The following NLRP9 variants were observed in gnomAD, a reference collection of about 807,000 sequenced individuals.
NLRP9 encodes the protein NLR family pyrin domain containing 9.
A neutral mutation model predicts 83.1 loss-of-function variants in NLRP9; 88 were observed. The ratio of observed to expected loss-of-function variants is 1.06; its 90% CI spans 0.89 to 1.26. The LOEUF is 1.26. Ranked by LOEUF, NLRP9 falls within the 50% of genes most tolerant of loss-of-function variation. NLRP9 has a pLI of 0.00. For missense variants in NLRP9, 1,308 were observed against 1,179.3 expected, an observed-to-expected ratio of 1.11 and a Z score of -1.60; for synonymous variants, 521 against 447.6, an observed-to-expected ratio of 1.16 and a Z score of -2.07.
rs112171493 is a variant in NLRP9 at position 55,709,026 on chromosome 19, A to G, written c.2862T>C (p.Phe954=). The change falls in exon 9 of 9, where the codon TTT becomes TTC. Residue 954 remains phenylalanine, a synonymous_variant. Coordinates refer to ENST00000332836, the MANE Select transcript of NLRP9 (RefSeq NM_176820.4). ...LQMLGLHKSG[F]DEETQKILMS... ...TCAGGATCTTCTGAGTTTCTTCATC[A>G]AAGCCAGATTTGTGCAGCCTGGGAA... The G allele has an allele frequency of 6.3e-7, 1 of 1,578,012 alleles. No individual in the cohort carries two copies. Among genetic ancestry groups the G allele is most frequent in the Non-Finnish European group, 8.6e-7 (1 of 1,168,688 alleles).
At chr19:55,728,583 C>T (rs1391499928) in intron 3 of NLRP9, among the ~76,000 whole-genome samples, 1 of 152,064 alleles carries the variant, frequency 6.6e-6, no homozygotes, top group African/African-American at 2.4e-5. Context: ...AAAGCAACAA[C>T]AACAACAAAA....
chr19:55,722,684 A>G (rs1988266045), intron 4 of NLRP9, among the ~76,000 whole-genome samples: 1 of 152,200 alleles, frequency 6.6e-6, no homozygotes, highest in South Asian at 2.1e-4. Context: ...TCTACTATAA[A>G]GATACATGCA....
At position 55,718,431 on chromosome 19, in the gene NLRP9, C is replaced by T. The variant is rs141326563; in HGVS notation, c.2160-1533G>A. ...ATGGAATGTCTAGGTGTAAAGCTGA[C>T]CATTCCCATTCATTCCATTCTGAGA... On this transcript the variant is annotated intron_variant, in intron 4 of 8. Coordinates refer to ENST00000332836, the MANE Select transcript of NLRP9 (RefSeq NM_176820.4). 2.5e-3 allele frequency among the ~76,000 whole-genome samples: 379 copies of T among 152,322 alleles called. 2 individuals carry two copies. The highest frequency in any genetic ancestry group is 4.2e-3 in the Non-Finnish European group (287 of 68,026).
At chr19:55,714,586 A>G (rs1987934323) in intron 6 of NLRP9, among the ~76,000 whole-genome samples, 1 of 147,962 alleles carries the variant, frequency 6.8e-6, no homozygotes, top group African/African-American at 2.5e-5. Flanking sequence ...CCTCATCTGG[A>G]TTTTTTTTTT....
intron 1 of NLRP9, among the ~76,000 whole-genome samples, chr19:55,734,634 TATA>T (rs1387105511): frequency 1.2e-3 from 113 of 94,268 alleles, no homozygotes; most frequent in African/African-American, 2.9e-3. Context: ...TATATATATA[TATA>T]TTTTTTTTTT....
chr19:55,714,999 C>T, intron 6 of NLRP9, 56 bp downstream of exon 6: 14 of 1,493,306 alleles, frequency 9.4e-6, no homozygotes, highest in Non-Finnish European at 1.2e-5. Flanking sequence ...TTTCCTAGAG[C>T]CACAGTATCC....
chr19:55,711,558 T>C, intron 8 of NLRP9: 1 of 1,099,786 alleles, frequency 9.1e-7, no homozygotes, highest in Non-Finnish European at 1.3e-6. Context: ...CTGGAGCTCT[T>C]TTTGATTGTC....
intron 3 of NLRP9, 137 bp from the exon 4 acceptor site, chr19:55,724,281 T>G (rs1029397575): frequency 3.3e-6 from 2 of 604,394 alleles, no homozygotes; most frequent in Non-Finnish European, 5.7e-6. Flanking sequence ...CTCCTGCCAG[T>G]AAATTATTTC....
At chr19:55,716,297 C>A (rs1381310166) in intron 5 of NLRP9, among the ~76,000 whole-genome samples, 1 of 129,366 alleles carries the variant, frequency 7.7e-6, no homozygotes, top group Non-Finnish European at 1.6e-5. Context: ...CTTGCTCTGT[C>A]TCCCAGGCTG....
Position 55,712,548 on chromosome 19 carries a change from A to G in NLRP9, c.2544T>C (p.Ile848=). The G allele has an allele frequency of 6.2e-7, 1 of 1,612,588 alleles. No homozygotes were observed. The highest frequency in any genetic ancestry group is 2.2e-5 in the East Asian group (1 of 44,758). Residue 848 remains isoleucine (I), a synonymous_variant, in exon 7 of 9, where the codon ATT becomes ATC. Transcript: ENST00000332836. ...TCCCATTGCAAATAAGAACAGCAGC[A>G]ATGTCCTTACAGGAATCGGAAGTAA... ...CFLTSDSCKD[I]AAVLICNGKL...
intron 4 of NLRP9, among the ~76,000 whole-genome samples, chr19:55,717,925 G>A (rs1988082896): frequency 6.6e-6 from 1 of 152,170 alleles, no homozygotes; most frequent in Non-Finnish European, 1.5e-5. Flanking sequence ...AAAAGAATGA[G>A]AGATCAGATT....
At chr19:55,718,116 T>C (rs1233661686) in intron 4 of NLRP9, among the ~76,000 whole-genome samples, 1 of 152,234 alleles carries the variant, frequency 6.6e-6, no homozygotes, top group Non-Finnish European at 1.5e-5. Context: ...ACCATATGTT[T>C]GCAGGCAGTA....
chr19:55,712,618 G>T, intron 6 of NLRP9, 28 bp from the exon 7 acceptor site: 3 of 1,599,466 alleles, frequency 1.9e-6, no homozygotes, highest in Non-Finnish European at 2.6e-6. Flanking sequence ...ACACAAATAC[G>T]TACACTTATG....
At chr19:55,724,235 C>T in intron 3 of NLRP9, 91 bp from the exon 4 acceptor site, 2 of 823,830 alleles carry the variant, frequency 2.4e-6, no homozygotes, top group Non-Finnish European at 3.7e-6. Flanking sequence ...GCCCTGAATG[C>T]TGGGCCTCAC....
chr19:55,733,183 A>G lies in NLRP9; in HGVS notation c.648T>C (p.Ile216=), dbSNP rs1308138482. 1 of 1,613,858 alleles carries G rather than the reference A, an allele frequency of 6.2e-7. No homozygotes were observed. Among genetic ancestry groups the G allele is most frequent in the African/African-American group, 1.3e-5 (1 of 74,904 alleles). The change falls in exon 2 of 9, where the codon ATT becomes ATC. Residue 216 remains isoleucine (I), a synonymous_variant. Coordinates refer to ENST00000332836, the MANE Select transcript of NLRP9 (RefSeq NM_176820.4). ...ACAGAATTCTCTCTGGCTGGGAAAA[A>G]ATGTCTTCGATCTTCTCTGAAGACT... ...WPESSEKIED[I]FSQPERILFI... is the part of the protein sequence containing the mutation.
rs1382794406 is a variant in NLRP9 at position 55,732,402 on chromosome 19, C to A, written c.1429G>T (p.Val477Leu). 6.2e-7 allele frequency: 1 copy of A among 1,614,258 alleles called. No homozygotes were observed. The highest frequency in any genetic ancestry group is 8.5e-7 in the Non-Finnish European group (1 of 1,180,052). Residue 477 changes from valine to leucine, a missense_variant, in exon 2 of 9, where the codon GTA (valine) becomes TTA (leucine). Val to Leu is a conservative substitution (Grantham distance 32, BLOSUM62 1). Coordinates refer to ENST00000332836, the MANE Select transcript of NLRP9 (RefSeq NM_176820.4). ...TGAGGCTGAACCACACTTGCTCTTACAAGCTGGGTTATGCTTCCAATGGCC... is the reference window on the plus strand; with the variant it reads ...TGAGGCTGAACCACACTTGCTCTTAAAAGCTGGGTTATGCTTCCAATGGCC... Reference protein sequence around the residue: ...NPAIGSITQLVRASVVQPQTL... With the variant: ...NPAIGSITQLLRASVVQPQTL...
intron 7 of NLRP9, 101 bp from the exon 8 acceptor site, chr19:55,712,071 C>T: frequency 1.7e-6 from 2 of 1,204,790 alleles, no homozygotes; most frequent in South Asian, 1.4e-5. Flanking sequence ...GCAGGACGCT[C>T]TGCTGTCTAG....
chr19:55,718,238 T>TC, intron 4 of NLRP9, among the ~76,000 whole-genome samples: 1 of 152,180 alleles, frequency 6.6e-6, no homozygotes, highest in East Asian at 1.9e-4. Flanking sequence ...GTCCAAGGTT[T>TC]CCCCCACTGA....
chr19:55,712,646 C>T (rs1600124680), intron 6 of NLRP9, 56 bp from the exon 7 acceptor site: 1 of 1,459,332 alleles, frequency 6.9e-7, no homozygotes, highest in African/African-American at 1.4e-5. Flanking sequence ...TCATAACAGC[C>T]CACCTTATTT....
Sources: allele counts gnomAD v4.1 joint callset (sites outside exome capture counted in the v4.1 genomes callset), GRCh38; gene constraint gnomAD v4.1.1; transcripts MANE v1.5; gene names NCBI Gene and HGNC (gene_info 2026-07-23, HGNC 2026-07-21).